ZFC3H1: variants seen among roughly 807,000 people sequenced by gnomAD.
ZFC3H1 encodes zinc finger C3H1 domain-containing protein.
A neutral mutation model predicts 243.7 loss-of-function variants in ZFC3H1; 71 were observed. That is an observed-to-expected ratio of 0.29 (90% CI 0.24 to 0.36). The LOEUF (loss-of-function observed/expected upper bound fraction) is 0.36. ZFC3H1 is among the 10% of genes least tolerant of loss of function. The probability of loss-of-function intolerance (pLI) is 1.00; values close to 1 mark genes in which losing one functional copy is unlikely to be tolerated. For missense variants in ZFC3H1, 1,966 were observed against 2,317.1 expected (o/e 0.85, Z 3.11); for synonymous variants, 838 against 813.0 (o/e 1.03, Z -0.52).
intron 3 of ZFC3H1, among the ~76,000 whole-genome samples, chr12:71,647,388 T>C (rs965390826): frequency 2.6e-5 from 4 of 151,920 alleles, no homozygotes; most frequent in Non-Finnish European, 4.4e-5. Context: ...GAAGTGGAGG[T>C]AGAATTTGAC....
chr12:71,624,001 C>G (rs1006744547), intron 23 of ZFC3H1, 103 bp downstream of exon 23: 8 of 1,217,818 alleles, frequency 6.6e-6, no homozygotes, highest in Non-Finnish European at 9.0e-6. Context: ...GGATTCAAAT[C>G]CAAATCTTGT....
chr12:71,655,569 T>G lies in ZFC3H1; in HGVS notation c.1015+1316A>C, dbSNP rs35446757. On this transcript the variant is annotated intron_variant, in intron 2 of 34. Coordinates refer to ENST00000378743, the MANE Select transcript of ZFC3H1 (RefSeq NM_144982.5). The stretch of plus-strand genomic sequence containing the variant: ...GAACAATTTTTATAACTTCTGTAAC[T>G]TACAGGAAATAGACACATTACAAAA... 4.7e-3 allele frequency among the ~76,000 whole-genome samples: 708 copies of G among 152,200 alleles called. 4 individuals are homozygous for G. Among genetic ancestry groups the G allele is most frequent in the Non-Finnish European group, 5.2e-3 (351 of 67,966 alleles).
intron 12 of ZFC3H1, among the ~76,000 whole-genome samples, 177 bp from the exon 13 acceptor site, chr12:71,633,615 C>T (rs902408538): frequency 2.0e-5 from 3 of 152,032 alleles, no homozygotes; most frequent in Admixed American, 2.0e-4. Context: ...ATTAACATTG[C>T]TACACTGATA....
chr12:71,660,726 A>T (rs1336209310), intron 1 of ZFC3H1, among the ~76,000 whole-genome samples: 1 of 152,100 alleles, frequency 6.6e-6, no homozygotes, highest in Non-Finnish European at 1.5e-5. Flanking sequence ...ACTTTTTTAT[A>T]TACATACTTC....
chr12:71,624,427 A>G (rs1315700688), intron 22 of ZFC3H1, 135 bp from the exon 23 acceptor site: 2 of 925,564 alleles, frequency 2.2e-6, no homozygotes, highest in Non-Finnish European at 3.2e-6. Context: ...GTAAAAATGT[A>G]TAACTCCATC....
intron 16 of ZFC3H1, 120 bp downstream of exon 16, chr12:71,631,658 G>GT: frequency 2.4e-6 from 2 of 842,064 alleles, no homozygotes; most frequent in Non-Finnish European, 3.6e-6. Flanking sequence ...AAAAGGGTAA[G>GT]TCTGGTTATC....
intron 20 of ZFC3H1, 140 bp from the exon 21 acceptor site, chr12:71,628,074 G>A (rs1397269499): frequency 1.4e-5 from 11 of 794,394 alleles, no homozygotes; most frequent in Non-Finnish European, 1.9e-5. Flanking sequence ...CAGCTTTAAG[G>A]TAGAGCTATG....
chr12:71,636,823 A>C lies in ZFC3H1; in HGVS notation c.1935+27T>G, dbSNP rs766521151. The C allele has an allele frequency of 2.5e-6, 4 of 1,610,596 alleles. No individual in the cohort carries two copies. The South Asian group carries it at 4.4e-5, about 18-fold the overall frequency. ...CCGTAAAGCTAAGCTCAAGAGCACC[A>C]CCTAGAGGTTTAGGTACCTAAATTA... On this transcript the variant is annotated intron_variant, in intron 8 of 34. Transcript: ENST00000378743.
At position 71,629,720 on chromosome 12, in the gene ZFC3H1, G is replaced by C. The variant is rs770251010; in HGVS notation, c.3725-10C>G. ...TTCTCAACATATTTTTCTGAAATAA[G>C]AGCAATGCAATCTTCATGATAAATA... On this transcript the variant is annotated splice_polypyrimidine_tract_variant and intron_variant, in intron 18 of 34. Coordinates refer to ENST00000378743, the MANE Select transcript of ZFC3H1 (RefSeq NM_144982.5). The C allele has an allele frequency of 6.6e-7, 1 of 1,505,920 alleles. No homozygotes were observed. The highest frequency in any genetic ancestry group is 9.2e-7 in the Non-Finnish European group (1 of 1,083,238). 93.3% of individuals were successfully genotyped at this position (1,505,920 alleles called of 1,614,324 possible). A position where few individuals can be genotyped will look rare whatever the true frequency, so the allele number is the denominator to read the frequency against.
chr12:71,640,488 C>T (rs886078083), intron 6 of ZFC3H1, among the ~76,000 whole-genome samples: 1 of 152,224 alleles, frequency 6.6e-6, no homozygotes, highest in South Asian at 2.1e-4. Flanking sequence ...AACAGAGGTG[C>T]AGATACAGGC....
chr12:71,651,073 TG>T (rs936706116), intron 2 of ZFC3H1, among the ~76,000 whole-genome samples: 1 of 152,196 alleles, frequency 6.6e-6, no homozygotes, highest in Non-Finnish European at 1.5e-5. Flanking sequence ...ACAGAAGGGC[TG>T]GTTAAATACA....
chr12:71,620,300 C>T lies in ZFC3H1; in HGVS notation c.4760G>A (p.Cys1587Tyr). 1 of 1,614,144 alleles carries T rather than the reference C, an allele frequency of 6.2e-7. No individual in the cohort carries two copies. The highest frequency in any genetic ancestry group is 8.5e-7 in the Non-Finnish European group (1 of 1,180,018). ...CTCAACAGCAAGGCTCTCATCTGTG[C>T]AAGCTTTCACTGCATCTACCCAAAA... is the stretch of plus-strand genomic sequence containing the variant. Reference protein sequence around the residue: ...LAVFEDAVKACTDESLAVEER... With the variant: ...LAVFEDAVKAYTDESLAVEER... Residue 1587 changes from cysteine (C) to tyrosine (Y), a missense_variant, in exon 25 of 35, where the codon TGC (cysteine) becomes TAC (tyrosine). This residue lies in a region of ZFC3H1 where 1,383 missense variants were observed against 1,723.7 expected (regional missense o/e 0.80). Transcript: ENST00000378743.
At chr12:71,628,810 T>A (rs1190884580) in intron 20 of ZFC3H1, 108 bp downstream of exon 20, 16 of 1,272,712 alleles carry the variant, frequency 1.3e-5, no homozygotes, top group East Asian at 2.7e-5. Flanking sequence ...TAAAAAAAAT[T>A]TTTTTTTAAC....
chr12:71,640,838 T>C (rs1460343529), intron 6 of ZFC3H1, among the ~76,000 whole-genome samples: 2 of 152,114 alleles, frequency 1.3e-5, no homozygotes, highest in Non-Finnish European at 2.9e-5. Flanking sequence ...CCTAAACTAG[T>C]TTTTTACCGT....
At chr12:71,631,647 TA>T (rs1880325828) in intron 16 of ZFC3H1, 130 bp downstream of exon 16, 2 of 760,590 alleles carry the variant, frequency 2.6e-6, no homozygotes, top group Non-Finnish European at 2.0e-6. Flanking sequence ...TTATGTTCCT[TA>T]AAAGGGTAAG....
intron 1 of ZFC3H1, among the ~76,000 whole-genome samples, chr12:71,658,564 C>T (rs948828669): frequency 6.6e-6 from 1 of 152,048 alleles, no homozygotes; most frequent in Non-Finnish European, 1.5e-5. Flanking sequence ...GCCGGGATTA[C>T]AGGTGTGAGC....
At chr12:71,658,168 C>A (rs961802153) in intron 1 of ZFC3H1, among the ~76,000 whole-genome samples, 1 of 151,702 alleles carries the variant, frequency 6.6e-6, no homozygotes, top group African/African-American at 2.4e-5. Flanking sequence ...TTTCAAACTA[C>A]AATTTTTATT....
Position 71,620,297 on chromosome 12 carries a change from G to C in ZFC3H1, c.4763C>G (p.Thr1588Arg), listed in dbSNP as rs776019553. ...TTCCTCAACAGCAAGGCTCTCATCT[G>C]TGCAAGCTTTCACTGCATCTACCCA... Reference protein sequence around the residue: ...AVFEDAVKACTDESLAVEERI... With the variant: ...AVFEDAVKACRDESLAVEERI... Residue 1588 changes from threonine (T) to arginine (R), a missense_variant, in exon 25 of 35, where the codon ACA (threonine) becomes AGA (arginine). Around this residue, in one of 4 missense-constraint regions of ZFC3H1, gnomAD observed 1,383 missense variants for 1,723.7 expected, o/e 0.80. Transcript: ENST00000378743. 18 of 1,614,014 alleles carry C rather than the reference G, an allele frequency of 1.1e-5. 1 individual carries two copies. Among genetic ancestry groups the C allele is most frequent in the African/African-American group, 8.0e-5 (6 of 74,906 alleles).
chr12:71,644,842 A>G (rs759221018), intron 4 of ZFC3H1, 35 bp downstream of exon 4: 10 of 1,589,874 alleles, frequency 6.3e-6, no homozygotes, highest in Non-Finnish European at 8.5e-6. Flanking sequence ...AAAGAAAACA[A>G]AACAAAAACA....
Sources: gnomAD v4.1 joint callset for allele counts (sites outside exome capture counted in the v4.1 genomes callset) on GRCh38, gnomAD v4.1.1 for gene constraint, gnomAD v4.1.1 regional missense constraint, MANE v1.5 for transcripts, NCBI Gene and HGNC (gene_info 2026-07-23, HGNC 2026-07-21) for gene names.